Variants in PCCA observed in about 807,000 individuals in gnomAD.
The protein encoded by PCCA is propionyl-CoA carboxylase subunit alpha, also known as propionyl-CoA carboxylase alpha chain, mitochondrial.
A neutral mutation model predicts 101.3 loss-of-function variants in PCCA; 74 were observed. The ratio of observed to expected loss-of-function variants is 0.73; its 90% CI spans 0.61 to 0.89. The LOEUF is 0.89. Among genes scored for constraint, PCCA ranks in the 40% least tolerant of loss-of-function variants. The pLI, the probability that PCCA is intolerant of heterozygous loss-of-function variation, is 0.00. For synonymous variants in PCCA, 294 were observed against 313.6 expected, an observed-to-expected ratio of 0.94 and a Z score of 0.66; for missense variants, 891 against 907.0, an observed-to-expected ratio of 0.98 and a Z score of 0.23.
At chr13:100,359,737 T>C (rs1416553200) in intron 18 of PCCA, among the ~76,000 whole-genome samples, 1 of 152,004 alleles carries the variant, frequency 6.6e-6, no homozygotes, top group East Asian at 1.9e-4. Context: ...AAGGCAAAAA[T>C]AGGCATAAAG....
rs913238752 is a variant in PCCA, at chr13:100,146,953, G to T, written c.301-8026G>T. On this transcript the variant is annotated intron_variant, in intron 4 of 23. Coordinates refer to ENST00000376285, the MANE Select transcript of PCCA (RefSeq NM_000282.4). ...TAGGAGAATGGTTAAATAAGTTATG[G>T]TTCATCTAGATTACTAGAAATACTG... Among the ~76,000 whole-genome samples the T allele has an allele frequency of 2.0e-5, 3 of 151,180 alleles. No homozygotes were observed. The East Asian group carries it at 5.8e-4, about 29-fold the overall frequency.
intron 19 of PCCA, among the ~76,000 whole-genome samples, chr13:100,422,242 C>T (rs998031238): frequency 5.9e-5 from 9 of 151,334 alleles, no homozygotes; most frequent in Non-Finnish European, 1.0e-4. Context: ...AAGCAATCTC[C>T]CCTGCCTCAG....
At position 100,425,726 on chromosome 13, in the gene PCCA, G is replaced by A. The variant is rs201570336; in HGVS notation, c.1840G>A (p.Val614Ile). Reference protein sequence around the residue: ...SVSVDGTQRTVQCLSREAGGN... With the variant: ...SVSVDGTQRTIQCLSREAGGN... ...CAGCGTTGATGGCACTCAGAGGACT[G>A]TCCAGGTGAGTGTTGTAAGGATTTC... is the stretch of plus-strand genomic sequence containing the variant. Residue 614 changes from valine (V) to isoleucine (I), a missense_variant, in exon 20 of 24, where the codon GTC becomes ATC. Transcript: ENST00000376285. 20 of 1,607,612 alleles carry A rather than the reference G, an allele frequency of 1.2e-5. No homozygotes were observed. In the African/African-American group the frequency reaches 2.5e-4, roughly 20 times the overall value.
intron 8 of PCCA, among the ~76,000 whole-genome samples, chr13:100,245,350 A>C (rs1175821788): frequency 2.6e-5 from 4 of 152,196 alleles, no homozygotes; most frequent in Non-Finnish European, 5.9e-5. Flanking sequence ...GATTCCTTGG[A>C]AAACTCTAGT....
At chr13:100,349,033 G>A (rs986111867) in intron 18 of PCCA, among the ~76,000 whole-genome samples, 1 of 151,640 alleles carries the variant, frequency 6.6e-6, no homozygotes, top group South Asian at 2.1e-4. Context: ...GCCTCTGCCC[G>A]CTGGGCTCAA....
chr13:100,428,339 CA>C (rs2079310607), intron 20 of PCCA, among the ~76,000 whole-genome samples: 2 of 134,848 alleles, frequency 1.5e-5, no homozygotes, highest in South Asian at 2.7e-4. Flanking sequence ...CCCTACCCCC[CA>C]CCCCCACCCC....
intron 8 of PCCA, among the ~76,000 whole-genome samples, chr13:100,255,324 T>A (rs1048546208): frequency 6.6e-6 from 1 of 152,246 alleles, no homozygotes; most frequent in Non-Finnish European, 1.5e-5. Flanking sequence ...GTTTTATGTA[T>A]CTTGTTTCCC....
At chr13:100,353,812 G>A (rs543551164) in intron 18 of PCCA, among the ~76,000 whole-genome samples, 3 of 152,094 alleles carry the variant, frequency 2.0e-5, no homozygotes, top group South Asian at 2.1e-4. Flanking sequence ...AATATGCTGC[G>A]CATGGTGGCA....
At chr13:100,345,774 C>A (rs1367828728) in intron 18 of PCCA, among the ~76,000 whole-genome samples, 2 of 152,140 alleles carry the variant, frequency 1.3e-5, no homozygotes, top group Non-Finnish European at 1.5e-5. Context: ...CCAGCTGACT[C>A]TCTTGGTAGG....
intron 10 of PCCA, 142 bp from the exon 11 acceptor site, chr13:100,268,547 T>A (rs1449151840): frequency 2.7e-6 from 2 of 748,226 alleles, no homozygotes; most frequent in African/African-American, 3.4e-5. Context: ...TTAACATGAA[T>A]CAAAATAATG....
At chr13:100,520,634 C>CAAAAAAA (rs374566196) in intron 22 of PCCA, among the ~76,000 whole-genome samples, 4 of 68,262 alleles carry the variant, frequency 5.9e-5, no homozygotes, top group African/African-American at 6.0e-5. Flanking sequence ...GACTCCGTCT[C>CAAAAAAA]AAAAAAAAAA....
At chr13:100,099,672 TTTCCC>T (rs2047100995) in intron 1 of PCCA, among the ~76,000 whole-genome samples, 1 of 151,988 alleles carries the variant, frequency 6.6e-6, no homozygotes. Flanking sequence ...ACAGGATTTG[TTTCCC>T]TGTTTGCAGT....
chr13:100,130,343 A>G (rs1462791852), intron 4 of PCCA, among the ~76,000 whole-genome samples: 1 of 152,224 alleles, frequency 6.6e-6, no homozygotes, highest in Non-Finnish European at 1.5e-5. Context: ...ATCTTTTAGG[A>G]AGACAGAATG....
intron 6 of PCCA, among the ~76,000 whole-genome samples, chr13:100,205,807 C>G (rs775955306): frequency 6.6e-6 from 1 of 152,048 alleles, no homozygotes. Flanking sequence ...TCCATCTTTG[C>G]AAGTAAAATG....
chr13:100,091,614 C>T (rs73568988), intron 1 of PCCA, among the ~76,000 whole-genome samples: 3,519 of 152,140 alleles, frequency 0.023, 141 homozygotes, highest in African/African-American at 0.08. Flanking sequence ...GATTTTAACC[C>T]CTCCCATCCC....
intron 21 of PCCA, among the ~76,000 whole-genome samples, chr13:100,494,411 C>T (rs949695791): frequency 1.1e-4 from 16 of 151,852 alleles, no homozygotes; most frequent in East Asian, 7.8e-4. Context: ...CGGCCGGGTA[C>T]GGTGGCTCAC....
chr13:100,103,701 T>G (rs1594095542), intron 2 of PCCA, among the ~76,000 whole-genome samples: 2 of 152,162 alleles, frequency 1.3e-5, no homozygotes, highest in East Asian at 3.9e-4. Flanking sequence ...AGTGGTGTGA[T>G]CTTAGCTCAC....
intron 19 of PCCA, among the ~76,000 whole-genome samples, chr13:100,375,732 C>T (rs1468343760): frequency 1.3e-5 from 2 of 152,150 alleles, no homozygotes; most frequent in Admixed American, 6.5e-5. Context: ...GAAACTGCAT[C>T]AACTAATGGG....
At position 100,201,142 on chromosome 13, in the gene PCCA, A is replaced by G. The variant is rs570830328; in HGVS notation, c.469-8190A>G. On this transcript the variant is annotated intron_variant, in intron 6 of 23. Transcript: ENST00000376285. ...AATCTTCCTGTAATATTAAAAAAAA[A>G]GTTGTACTATATCTATATTGTCAGA... Among the ~76,000 whole-genome samples, 20 of 152,308 alleles carry G rather than the reference A, an allele frequency of 1.3e-4. No homozygotes were observed. The South Asian group carries it at 3.5e-3, about 27-fold the overall frequency.
Sources: gnomAD v4.1 joint callset for allele counts (sites outside exome capture counted in the v4.1 genomes callset) on GRCh38, gnomAD v4.1.1 for gene constraint, MANE v1.5 for transcripts, NCBI Gene and HGNC (gene_info 2026-07-23, HGNC 2026-07-21) for gene names.